SNX29: variants seen among roughly 807,000 people sequenced by gnomAD.
The protein encoded by SNX29 is sorting nexin 29, also known as sorting nexin-29.
SNX29 carries 78 observed loss-of-function variants against 102.1 expected under a neutral mutation model. That is an observed-to-expected ratio of 0.76 (90% CI 0.64 to 0.92). SNX29 has a LOEUF of 0.92. SNX29 is among the 40% of genes least tolerant of loss of function. The pLI is 0.00. For synonymous variants in SNX29, 580 were observed against 414.5 expected, an observed-to-expected ratio of 1.40 and a Z score of -4.85; for missense variants, 1,280 against 1,061.7, an observed-to-expected ratio of 1.21 and a Z score of -2.86.
At chr16:12,405,097 A>G (rs1338985154) in intron 18 of SNX29, among the ~76,000 whole-genome samples, 1 of 152,198 alleles carries the variant, frequency 6.6e-6, no homozygotes, top group Non-Finnish European at 1.5e-5. Flanking sequence ...CACAAACCCA[A>G]CTTTCTTATT....
chr16:12,141,147 A>T (rs2054853782), intron 13 of SNX29, among the ~76,000 whole-genome samples: 1 of 152,222 alleles, frequency 6.6e-6, no homozygotes, highest in African/African-American at 2.4e-5. Context: ...AAGAGCAGAG[A>T]GTGGGTGAAC....
chr16:12,250,870 G>T (rs2078400825), intron 14 of SNX29, among the ~76,000 whole-genome samples: 1 of 150,958 alleles, frequency 6.6e-6, no homozygotes, highest in Non-Finnish European at 1.5e-5. Context: ...GAGAGCTCCA[G>T]TCGCCTGAAG....
At chr16:12,175,294 GAT>G (rs972337206) in intron 13 of SNX29, among the ~76,000 whole-genome samples, 9 of 152,120 alleles carry the variant, frequency 5.9e-5, no homozygotes, top group African/African-American at 2.2e-4. Flanking sequence ...CTCCCAATGT[GAT>G]TGTATCTGGA....
chr16:12,573,504 A>T lies in SNX29; in HGVS notation c.*4875A>T, dbSNP rs764932228. On this transcript the variant is annotated 3_prime_UTR_variant, in exon 21 of 21. Transcript: ENST00000566228. ...AAGATTCTAGATTCACTGGTGGTTT[A>T]AGAGGCCCAGGGATTTAGTTCTTAC... 8.5e-5 allele frequency: 19 copies of T among 224,834 alleles called. No individual in the cohort carries two copies. The highest frequency in any genetic ancestry group is 1.4e-4 in the Non-Finnish European group (16 of 112,900). 13.9% of individuals were successfully genotyped at this position (224,834 alleles called of 1,614,324 possible). A position where few individuals can be genotyped will look rare whatever the true frequency, so the allele number is the denominator to read the frequency against.
intron 20 of SNX29, chr16:12,526,854 A>G (rs2076798217): frequency 2.5e-6 from 1 of 404,676 alleles, no homozygotes; most frequent in Admixed American, 4.1e-5. Flanking sequence ...CGAATTGTAA[A>G]AAGTGCACGT....
At chr16:12,407,133 A>C (rs7198230) in intron 18 of SNX29, among the ~76,000 whole-genome samples, 9,941 of 151,794 alleles carry the variant, frequency 0.065, 428 homozygotes, top group East Asian at 0.19. Context: ...GAAGGACCAC[A>C]CTGGCCATGA....
chr16:12,487,874 T>C (rs943475303), intron 19 of SNX29, among the ~76,000 whole-genome samples: 1 of 152,192 alleles, frequency 6.6e-6, no homozygotes, highest in Non-Finnish European at 1.5e-5. Flanking sequence ...ACTTAATGTA[T>C]TAATCGAGAA....
At chr16:12,024,729 T>C (rs2057139992) in intron 3 of SNX29, among the ~76,000 whole-genome samples, 1 of 152,232 alleles carries the variant, frequency 6.6e-6, no homozygotes, top group Non-Finnish European at 1.5e-5. Context: ...TATCTAGAGC[T>C]GGCTGGGCAG....
chr16:12,558,319 G>T (rs1002784614), intron 20 of SNX29, among the ~76,000 whole-genome samples: 1 of 151,682 alleles, frequency 6.6e-6, no homozygotes, highest in Non-Finnish European at 1.5e-5. Flanking sequence ...CACCTCAAGT[G>T]GCTATCAACA....
chr16:12,057,383 T>G (rs2151245590), intron 8 of SNX29, among the ~76,000 whole-genome samples: 1 of 152,268 alleles, frequency 6.6e-6, no homozygotes, highest in African/African-American at 2.4e-5. Flanking sequence ...CCACTTGGTG[T>G]CTGTGGGATG....
At chr16:12,546,200 G>C (rs904511927) in intron 20 of SNX29, 1 of 152,186 alleles carries the variant, frequency 6.6e-6, no homozygotes, top group African/African-American at 2.4e-5. Context: ...AAAGTAACGA[G>C]GGACGTAGGA....
intron 19 of SNX29, among the ~76,000 whole-genome samples, chr16:12,502,335 C>A (rs146095024): frequency 1.3e-5 from 2 of 152,222 alleles, no homozygotes; most frequent in East Asian, 1.9e-4. Context: ...AGTTTCAAGA[C>A]GGTGGCATCT....
At chr16:12,205,234 C>A (rs1039975679) in intron 14 of SNX29, among the ~76,000 whole-genome samples, 6 of 152,158 alleles carry the variant, frequency 3.9e-5, no homozygotes, top group African/African-American at 1.2e-4. Context: ...TGTGCACGGC[C>A]TGCTGTTTCC....
At chr16:12,467,933 G>A (rs932116484) in intron 18 of SNX29, among the ~76,000 whole-genome samples, 4 of 152,092 alleles carry the variant, frequency 2.6e-5, no homozygotes, top group African/African-American at 9.7e-5. Context: ...CCAGGCAGAG[G>A]GAACAGCCAC....
At chr16:12,394,701 C>T (rs766799596) in intron 16 of SNX29, among the ~76,000 whole-genome samples, 10 of 152,146 alleles carry the variant, frequency 6.6e-5, no homozygotes, top group Non-Finnish European at 1.5e-4. Context: ...GTGGCTTCTC[C>T]ACCTGGAGAA....
At chr16:12,440,147 G>A (rs534040710) in intron 18 of SNX29, among the ~76,000 whole-genome samples, 1 of 152,316 alleles carries the variant, frequency 6.6e-6, no homozygotes, top group Admixed American at 6.5e-5. Context: ...CAGAGCAGGA[G>A]TCAGCACCTG....
chr16:12,552,019 C>T (rs557522863), intron 20 of SNX29, among the ~76,000 whole-genome samples: 25 of 152,316 alleles, frequency 1.6e-4, no homozygotes, highest in Admixed American at 4.6e-4. Context: ...CTCTAAAAAA[C>T]GTGGCAAGTC....
intron 4 of SNX29, among the ~76,000 whole-genome samples, chr16:12,035,600 G>T (rs1277981887): frequency 6.6e-6 from 1 of 152,188 alleles, no homozygotes; most frequent in Non-Finnish European, 1.5e-5. Flanking sequence ...GGGAGCACTT[G>T]TATTCACTGA....
intron 14 of SNX29, among the ~76,000 whole-genome samples, chr16:12,234,845 C>T (rs1350894282): frequency 8.5e-5 from 13 of 152,174 alleles, no homozygotes; most frequent in Non-Finnish European, 4.4e-5. Flanking sequence ...AGAAGATACC[C>T]GCTGAATGGA....
Sources: gnomAD v4.1 joint callset for allele counts (sites outside exome capture counted in the v4.1 genomes callset) on GRCh38, gnomAD v4.1.1 for gene constraint, MANE v1.5 for transcripts, NCBI Gene and HGNC (gene_info 2026-07-23, HGNC 2026-07-21) for gene names.